TBX5: variants seen among roughly 807,000 people sequenced by gnomAD.
TBX5 encodes the protein T-box transcription factor 5, also known as T-box transcription factor TBX5.
In TBX5, 8 loss-of-function variants were observed where a neutral mutation model predicts 51.1. The observed-to-expected ratio is 0.16, with a 90% CI of 0.09 to 0.28. The LOEUF (loss-of-function observed/expected upper bound fraction) is 0.28, where lower values mean the gene tolerates loss of function less well. Ranked by LOEUF, TBX5 falls within the 10% of genes least tolerant of loss-of-function variation. TBX5 has a pLI of 1.00. For missense variants in TBX5, 589 were observed against 671.7 expected (o/e 0.88, Z 1.36); for synonymous variants, 302 against 266.4 (o/e 1.13, Z -1.30).
At chr12:114,357,599 C>T (rs1868995551) in intron 8 of TBX5, among the ~76,000 whole-genome samples, 1 of 152,218 alleles carries the variant, frequency 6.6e-6, no homozygotes, top group Non-Finnish European at 1.5e-5. Flanking sequence ...TTTCCGTCAA[C>T]ATGAACAGCT....
chr12:114,360,988 T>C (rs1418639616), intron 8 of TBX5, among the ~76,000 whole-genome samples: 2 of 152,176 alleles, frequency 1.3e-5, no homozygotes, highest in Non-Finnish European at 2.9e-5. Context: ...TCTCATCCAG[T>C]AAGAATTCAA....
At chr12:114,393,629 G>A (rs781070380) in intron 6 of TBX5, among the ~76,000 whole-genome samples, 56 of 152,086 alleles carry the variant, frequency 3.7e-4, no homozygotes, top group Non-Finnish European at 7.2e-4. Context: ...CCAACCTGCC[G>A]CTATAGGCAG....
At chr12:114,401,093 C>A (rs574707402) in intron 3 of TBX5, among the ~76,000 whole-genome samples, 1 of 152,276 alleles carries the variant, frequency 6.6e-6, no homozygotes, top group Non-Finnish European at 1.5e-5. Flanking sequence ...CGTGCACATG[C>A]TCACACACTC....
chr12:114,398,850 T>G (rs1195221326), intron 4 of TBX5, 130 bp from the exon 5 acceptor site: 4 of 1,147,388 alleles, frequency 3.5e-6, no homozygotes, highest in East Asian at 2.6e-5. Context: ...CTGGAGGCTC[T>G]CCCGTCTCCC....
chr12:114,371,776 A>G (rs1565930042), intron 7 of TBX5, among the ~76,000 whole-genome samples: 1 of 151,928 alleles, frequency 6.6e-6, no homozygotes, highest in Non-Finnish European at 1.5e-5. Context: ...ACCCCTTGAG[A>G]GCTTTCTTGA....
At chr12:114,385,424 G>A in intron 7 of TBX5, 52 bp downstream of exon 7, 1 of 1,539,894 alleles carries the variant, frequency 6.5e-7, no homozygotes, top group Non-Finnish European at 9.0e-7. Context: ...GCTTACCTGG[G>A]TAATTTGAGG....
chr12:114,402,022 G>A (rs1871849432), intron 2 of TBX5, 102 bp from the exon 3 acceptor site: 2 of 1,037,858 alleles, frequency 1.9e-6, no homozygotes, highest in Middle Eastern at 2.1e-4. Context: ...CCTTCCCGCT[G>A]GAGCCTGTGG....
chr12:114,403,274 CA>C (rs199913423), intron 2 of TBX5, among the ~76,000 whole-genome samples: 2,191 of 152,152 alleles, frequency 0.014, 23 homozygotes, highest in Non-Finnish European at 0.019. Flanking sequence ...GCGGAGGAGG[CA>C]GGAGGAGGCA....
At chr12:114,379,754 C>T (rs1870406543) in intron 7 of TBX5, among the ~76,000 whole-genome samples, 2 of 152,182 alleles carry the variant, frequency 1.3e-5, no homozygotes, top group South Asian at 4.1e-4. Flanking sequence ...GACCCTGGTC[C>T]CCTGTGTGTT....
At chr12:114,374,903 A>G (rs1870108657) in intron 7 of TBX5, among the ~76,000 whole-genome samples, 1 of 152,188 alleles carries the variant, frequency 6.6e-6, no homozygotes, top group African/African-American at 2.4e-5. Flanking sequence ...GGACGGAAGG[A>G]TGGCTAGATG....
chr12:114,398,860 C>T (rs1026008153), intron 4 of TBX5, 140 bp from the exon 5 acceptor site: 3 of 1,076,296 alleles, frequency 2.8e-6, no homozygotes, highest in Non-Finnish European at 2.7e-6. Context: ...TCCCGTCTCC[C>T]TTAGGTATCT....
intron 3 of TBX5, among the ~76,000 whole-genome samples, chr12:114,399,994 A>G (rs911908827): frequency 7.2e-5 from 11 of 152,016 alleles, no homozygotes; most frequent in Non-Finnish European, 4.4e-5. Context: ...TGGGGAGAGG[A>G]GGCTTATTAG....
At chr12:114,389,112 C>T (rs904340693) in intron 6 of TBX5, among the ~76,000 whole-genome samples, 2 of 151,246 alleles carry the variant, frequency 1.3e-5, no homozygotes, top group Non-Finnish European at 3.0e-5. Flanking sequence ...TATTTTAGTA[C>T]AGACAGGGTT....
In TBX5 at chr12:114,382,301, G is replaced by A. The variant is rs561646861; in HGVS notation, c.755+3175C>T. 9.9e-5 allele frequency among the ~76,000 whole-genome samples: 15 copies of A among 152,260 alleles called. No homozygotes were observed. The South Asian group carries it at 1.0e-3, about 11-fold the overall frequency. On this transcript the variant is annotated intron_variant, in intron 7 of 8. Coordinates refer to ENST00000405440, the MANE Select transcript of TBX5 (RefSeq NM_181486.4). The stretch of plus-strand genomic sequence containing the variant: ...TGCCCTCCAGCCTGGGCAACAGAGC[G>A]AGGCCCTGTCTCAATCAATCAATCA...
intron 3 of TBX5, among the ~76,000 whole-genome samples, chr12:114,400,332 C>T (rs1284904582): frequency 6.6e-6 from 1 of 152,252 alleles, no homozygotes; most frequent in Non-Finnish European, 1.5e-5. Flanking sequence ...AAATTCCAGA[C>T]CCTTCCAGAT....
intron 7 of TBX5, among the ~76,000 whole-genome samples, chr12:114,375,662 A>AAAAGGAATCCTTGC (rs1215284963): frequency 2.0e-5 from 3 of 152,344 alleles, no homozygotes; most frequent in Admixed American, 6.5e-5. Context: ...GATGTGGAGA[A>AAAAGGAATCCTTGC]AAAGGAATCC....
At chr12:114,360,733 G>A (rs1869192270) in intron 8 of TBX5, among the ~76,000 whole-genome samples, 1 of 151,506 alleles carries the variant, frequency 6.6e-6, no homozygotes, top group African/African-American at 2.4e-5. Context: ...ATGGGTGGGT[G>A]GATGGGTGAA....
intron 1 of TBX5, among the ~76,000 whole-genome samples, chr12:114,405,368 G>C (rs1256209089): frequency 1.3e-5 from 2 of 152,196 alleles, no homozygotes; most frequent in African/African-American, 4.8e-5. Flanking sequence ...AGGGTCCCGG[G>C]GAGCTCTGGG....
chr12:114,379,600 C>T (rs1192573890), intron 7 of TBX5, among the ~76,000 whole-genome samples: 2 of 152,170 alleles, frequency 1.3e-5, no homozygotes, highest in Admixed American at 6.5e-5. Flanking sequence ...TCATTTCATC[C>T]TTGCAACAGG....
Sources: gnomAD v4.1 joint callset for allele counts (sites outside exome capture counted in the v4.1 genomes callset) on GRCh38, gnomAD v4.1.1 for gene constraint, MANE v1.5 for transcripts, NCBI Gene and HGNC (gene_info 2026-07-23, HGNC 2026-07-21) for gene names.